Variants in SPARC observed in about 807,000 individuals in gnomAD.
SPARC encodes basement-membrane protein 40.
A neutral mutation model predicts 37.7 loss-of-function variants in SPARC; 23 were observed. The ratio of observed to expected loss-of-function variants is 0.61; its 90% CI spans 0.44 to 0.87. SPARC has a LOEUF of 0.87. Ranked by LOEUF, SPARC falls within the 40% of genes least tolerant of loss-of-function variation. The pLI is 0.00. For synonymous variants in SPARC, 155 were observed against 150.8 expected (o/e 1.03, Z -0.20); for missense variants, 312 against 389.0 (o/e 0.80, Z 1.66).
intron 4 of SPARC, chr5:151,672,900 C>G (rs1760777010): frequency 1.9e-6 from 1 of 539,956 alleles, no homozygotes; most frequent in Non-Finnish European, 3.4e-6. Context: ...GAGAACTCTC[C>G]TTCCTACCAC....
chr5:151,665,671 GT>G (rs1434080198), intron 8 of SPARC, among the ~76,000 whole-genome samples: 2 of 152,228 alleles, frequency 1.3e-5, no homozygotes, highest in Non-Finnish European at 2.9e-5. Context: ...AGTTCAGAAG[GT>G]AGTGACAGGT....
chr5:151,684,569 G>A (rs1761084525), intron 1 of SPARC, among the ~76,000 whole-genome samples: 1 of 137,068 alleles, frequency 7.3e-6, no homozygotes, highest in South Asian at 2.3e-4. Flanking sequence ...GTAAAGGAAA[G>A]TTCTATACAA....
At chr5:151,680,250 A>C (rs1299006046) in intron 1 of SPARC, among the ~76,000 whole-genome samples, 8 of 48,416 alleles carry the variant, frequency 1.7e-4, no homozygotes, top group African/African-American at 5.3e-4. Context: ...TTTTTGAGAC[A>C]CGGTCTCCCT....
In SPARC at chr5:151,676,321, A is replaced by G. The variant is rs6874381; in HGVS notation, c.-13-120T>C. ...GGTACAAGTTAAATGATAGTGAAAAACATGAGGAGGTTGGTTCCATTTAAT... is the reference window on the plus strand; with the variant it reads ...GGTACAAGTTAAATGATAGTGAAAAGCATGAGGAGGTTGGTTCCATTTAAT... On this transcript the variant is annotated intron_variant, in intron 1 of 9. Coordinates refer to ENST00000231061, the MANE Select transcript of SPARC (RefSeq NM_003118.4). 2.0e-3 allele frequency: 1,333 copies of G among 673,394 alleles called. 12 individuals are homozygous for G. The African/African-American group carries it at 0.021, about 11-fold the overall frequency. 41.7% of individuals were successfully genotyped at this position (673,394 alleles called of 1,614,324 possible). A position where few individuals can be genotyped will look rare whatever the true frequency, so the allele number is the denominator to read the frequency against.
chr5:151,679,374 C>A (rs1760933170), intron 1 of SPARC: 1 of 152,282 alleles, frequency 6.6e-6, no homozygotes, highest in Middle Eastern at 3.4e-3. Context: ...AGGGTGAGAA[C>A]CCGTGCAACC....
In SPARC at chr5:151,666,435, G is replaced by A. The variant is rs760615037; in HGVS notation, c.660C>T (p.Phe220=). The A allele has an allele frequency of 3.6e-5, 58 of 1,614,162 alleles. No individual in the cohort carries two copies. Among genetic ancestry groups the A allele is most frequent in the East Asian group, 6.7e-5 (3 of 44,884 alleles). The change falls in exon 8 of 10, where the codon TTC becomes TTT. Residue 220 remains phenylalanine (F), a synonymous_variant. Coordinates refer to ENST00000231061, the MANE Select transcript of SPARC (RefSeq NM_003118.4). The part of the protein sequence containing the change: ...DHPVELLARD[F]EKNYNMYIFP... ...AGATGTACATGTTATAGTTCTTCTC[G>A]AAGTCCCGGGCCAGCAGCTCCACGG...
At chr5:151,665,206 C>A (rs916317160) in intron 8 of SPARC, among the ~76,000 whole-genome samples, 6 of 152,308 alleles carry the variant, frequency 3.9e-5, no homozygotes, top group East Asian at 3.9e-4. Context: ...CAAGCTGGAC[C>A]CCTTTCCCAG....
chr5:151,676,473 C>T (rs1425016008), intron 1 of SPARC, among the ~76,000 whole-genome samples: 2 of 152,194 alleles, frequency 1.3e-5, no homozygotes, highest in African/African-American at 4.8e-5. Context: ...CTCAGAGCTT[C>T]CACAGGAAGT....
chr5:151,685,422 T>TCACACACACACA lies in SPARC; in HGVS notation c.-14+1431_-14+1442dup, dbSNP rs3033198. The stretch of plus-strand genomic sequence containing the variant: ...CTCTCTCTCTCTCTCCCTCTCTCTC[T>TCACACACACACA]CACACACACACACACACACACACAC... On this transcript the variant is annotated intron_variant, in intron 1 of 9. Transcript: ENST00000231061. Among the ~76,000 whole-genome samples the TCACACACACACA allele has an allele frequency of 5.4e-3, 757 of 140,500 alleles. 2 individuals carry two copies. Among genetic ancestry groups the TCACACACACACA allele is most frequent in the African/African-American group, 0.015 (576 of 37,238 alleles). The allele number at this position is 140,500 out of a possible 152,430, so 92.2% of individuals were successfully genotyped here. A position where few individuals can be genotyped will look rare whatever the true frequency, so the allele number is the denominator to read the frequency against.
Position 151,662,376 on chromosome 5 carries a change from GT to G in SPARC, c.*1194del, listed in dbSNP as rs1354307708. On this transcript the variant is annotated 3_prime_UTR_variant, in exon 10 of 10. Transcript: ENST00000231061. Reference sequence around the variant, plus strand: ...CATGTGTAGACATGTATGCTCATGTGTTTTTGTGTCAGGATAATAAGGTGAC... The same window carrying G: ...CATGTGTAGACATGTATGCTCATGTGTTTTGTGTCAGGATAATAAGGTGAC... 3.3e-5 allele frequency: 5 copies of G among 152,566 alleles called. No individual in the cohort carries two copies. Among genetic ancestry groups the G allele is most frequent in the African/African-American group, 1.2e-4 (5 of 41,432 alleles). 9.5% of individuals were successfully genotyped at this position (152,566 alleles called of 1,614,324 possible). A position where few individuals can be genotyped will look rare whatever the true frequency, so the allele number is the denominator to read the frequency against.
Position 151,669,710 on chromosome 5 carries a change from G to T in SPARC, c.405C>A (p.Thr135=), listed in dbSNP as rs139553394. The T allele has an allele frequency of 2.5e-6, 4 of 1,614,160 alleles. No individual in the cohort carries two copies. The highest frequency in any genetic ancestry group is 4.5e-5 in the East Asian group (2 of 44,888). Residue 135 remains threonine (T), a synonymous_variant, in exon 6 of 10, where the codon ACC becomes ACA. Transcript: ENST00000231061. ...FFATKCTLEG[T]KKGHKLHLDY... ...CCAGGTGGAGCTTGTGGCCCTTCTT[G>T]GTGCCCTCCAGGGTGCACTTTGTGG...
At chr5:151,680,428 G>T (rs920439872) in intron 1 of SPARC, among the ~76,000 whole-genome samples, 1 of 151,318 alleles carries the variant, frequency 6.6e-6, no homozygotes, top group South Asian at 2.1e-4. Context: ...TAGAGATGGG[G>T]CTTCATTATG....
intron 1 of SPARC, among the ~76,000 whole-genome samples, chr5:151,683,537 G>GA (rs1288898403): frequency 5.3e-5 from 8 of 152,230 alleles, no homozygotes; most frequent in Admixed American, 5.2e-4. Flanking sequence ...CTGAGACATA[G>GA]AGGTGGTTGG....
intron 1 of SPARC, among the ~76,000 whole-genome samples, chr5:151,683,517 TTCTC>T (rs1373644443): frequency 6.6e-6 from 1 of 152,228 alleles, no homozygotes; most frequent in Non-Finnish European, 1.5e-5. Flanking sequence ...GAGCCTCAGT[TTCTC>T]TCTCTCTGAG....
intron 4 of SPARC, 87 bp from the exon 5 acceptor site, chr5:151,671,781 G>C (rs1760754186): frequency 1.3e-6 from 2 of 1,554,214 alleles, no homozygotes. Flanking sequence ...AGGGCTGACA[G>C]TCCTTGACTG....
chr5:151,663,338 G>GA lies in SPARC; in HGVS notation c.*232dup, dbSNP rs1240827386. The GA allele has an allele frequency of 7.4e-6, 4 of 537,158 alleles. No individual in the cohort carries two copies. In the African/African-American group the frequency reaches 7.7e-5, roughly 10 times the overall value. The allele number at this position is 537,158 out of a possible 1,614,324, so 33.3% of individuals were successfully genotyped here. On this transcript the variant is annotated 3_prime_UTR_variant, in exon 10 of 10. Coordinates refer to ENST00000231061, the MANE Select transcript of SPARC (RefSeq NM_003118.4). ...ATGGGCAAAGCTACAAATGGCAAGA[G>GA]AAAAATGGGACTATTAATGCGTGTG... is the stretch of plus-strand genomic sequence containing the variant.
In SPARC at chr5:151,663,295, C is replaced by T; in HGVS notation, c.*276G>A. 2.1e-6 allele frequency: 1 copy of T among 475,160 alleles called. No individual in the cohort carries two copies. The highest frequency in any genetic ancestry group is 2.7e-5 in the South Asian group (1 of 36,566). 29.4% of individuals were successfully genotyped at this position (475,160 alleles called of 1,614,324 possible). A position where few individuals can be genotyped will look rare whatever the true frequency, so the allele number is the denominator to read the frequency against. ...CAGAGCCCAGCAGATCCGTGTCCACCCATGTGCCAATAAGACAATGGGCAA... is the reference window on the plus strand; with the variant it reads ...CAGAGCCCAGCAGATCCGTGTCCACTCATGTGCCAATAAGACAATGGGCAA... On this transcript the variant is annotated 3_prime_UTR_variant, in exon 10 of 10. Coordinates refer to ENST00000231061, the MANE Select transcript of SPARC (RefSeq NM_003118.4).
chr5:151,679,625 T>TC (rs1034671295), intron 1 of SPARC: 23 of 152,316 alleles, frequency 1.5e-4, no homozygotes. Flanking sequence ...GTACATCGAG[T>TC]CCCTTCCTTT....
Position 151,663,455 on chromosome 5 carries a change from C to A in SPARC, c.*116G>T. 1.0e-6 allele frequency: 1 copy of A among 993,288 alleles called. No individual in the cohort carries two copies. Among genetic ancestry groups the A allele is most frequent in the South Asian group, 1.4e-5 (1 of 70,470 alleles). 61.5% of individuals were successfully genotyped at this position (993,288 alleles called of 1,614,324 possible). A position where few individuals can be genotyped will look rare whatever the true frequency, so the allele number is the denominator to read the frequency against. Reference sequence around the variant, plus strand: ...GCACCGTTAATGTATTCACTTAAATCTATGTTAGCACCTTGTCTCCAGGCA... The same window carrying A: ...GCACCGTTAATGTATTCACTTAAATATATGTTAGCACCTTGTCTCCAGGCA... On this transcript the variant is annotated 3_prime_UTR_variant, in exon 10 of 10. Transcript: ENST00000231061.
Sources: gnomAD v4.1 joint callset for allele counts (sites outside exome capture counted in the v4.1 genomes callset) on GRCh38, gnomAD v4.1.1 for gene constraint, MANE v1.5 for transcripts, NCBI Gene and HGNC (gene_info 2026-07-23, HGNC 2026-07-21) for gene names.